Variants in SLC17A1 observed in about 807,000 individuals in gnomAD.
The protein encoded by SLC17A1 is sodium-dependent phosphate transport protein 1.
In SLC17A1, 51 loss-of-function variants were observed where a neutral mutation model predicts 53.5. The observed-to-expected ratio is 0.95, with a 90% confidence interval of 0.76 to 1.20. The LOEUF is 1.20. Ranked by LOEUF, SLC17A1 falls within the 50% of genes most tolerant of loss-of-function variation. The pLI, the probability that SLC17A1 is intolerant of heterozygous loss-of-function variation, is 0.00. For missense variants in SLC17A1, 538 were observed against 568.2 expected (o/e 0.95, Z 0.54); for synonymous variants, 179 against 198.8 (o/e 0.90, Z 0.84).
the SLC17A1 span, among the ~76,000 whole-genome samples, chr6:25,752,672 G>T: frequency 6.6e-6 from 1 of 152,012 alleles, no homozygotes; most frequent in Non-Finnish European, 1.5e-5. Flanking sequence ...TTTTCTTTAG[G>T]CCGGGTGCGG....
At chr6:25,810,561 CT>C (rs1488385772) in intron 10 of SLC17A1, among the ~76,000 whole-genome samples, 4 of 152,024 alleles carry the variant, frequency 2.6e-5, no homozygotes, top group African/African-American at 9.7e-5. Flanking sequence ...AGATATCCCC[CT>C]ACACCTGTTA....
At position 25,817,882 on chromosome 6, in the gene SLC17A1, C is replaced by A. The variant is rs763302384; in HGVS notation, c.616+1186G>T. On this transcript the variant is annotated intron_variant, in intron 6 of 12. Transcript: ENST00000244527. ...TTTCAGCCCCTTTCCTGATAAGGGG[C>A]TTACGTTCCATCACTATGCTGACCA... Among the ~76,000 whole-genome samples, 38 of 152,318 alleles carry A rather than the reference C, an allele frequency of 2.5e-4. 1 individual carries two copies. In the Middle Eastern group the frequency reaches 0.017, roughly 68 times the overall value.
chr6:25,750,378 G>T, the SLC17A1 span, among the ~76,000 whole-genome samples: 2 of 152,114 alleles, frequency 1.3e-5, no homozygotes, highest in Non-Finnish European at 2.9e-5. Flanking sequence ...ATCTGAAAAA[G>T]TAATTAGCTG....
chr6:25,787,091 TG>T (rs1763399305), intron 12 of SLC17A1, among the ~76,000 whole-genome samples: 1 of 151,056 alleles, frequency 6.6e-6, no homozygotes, highest in African/African-American at 2.4e-5. Context: ...TGGGGTATAG[TG>T]GGGGTGGGAT....
the SLC17A1 span, among the ~76,000 whole-genome samples, chr6:25,756,925 AT>A: frequency 6.6e-6 from 1 of 152,126 alleles, no homozygotes; most frequent in Non-Finnish European, 1.5e-5. Flanking sequence ...GACTGATATG[AT>A]TTTTTCAATT....
At chr6:25,779,110 G>C (rs774393197), downstream of SLC17A1, 1 of 1,613,674 alleles carries the variant, frequency 6.2e-7, no homozygotes, top group Non-Finnish European at 8.5e-7. Context: ...TTAACATATC[G>C]GGCCTGGTTT....
the SLC17A1 span, among the ~76,000 whole-genome samples, chr6:25,751,423 A>C: frequency 6.6e-6 from 1 of 152,150 alleles, no homozygotes; most frequent in East Asian, 1.9e-4. Context: ...GTATTTCTCT[A>C]TTTTGGTTCT....
chr6:25,724,308 A>T, the SLC17A1 span, among the ~76,000 whole-genome samples: 1 of 152,226 alleles, frequency 6.6e-6, no homozygotes, highest in Non-Finnish European at 1.5e-5. Flanking sequence ...CCGTAATCCC[A>T]GCTACTCAGG....
At chr6:25,726,074 GAA>G in the SLC17A1 span, 3 of 1,453,396 alleles carry the variant, frequency 2.1e-6, no homozygotes, top group Non-Finnish European at 2.8e-6. Context: ...AGGTGGCTCT[GAA>G]AAGAGCCTTT....
At chr6:25,781,927 CGAA>C (rs1481126624), downstream of SLC17A1, among the ~76,000 whole-genome samples, 1 of 151,996 alleles carries the variant, frequency 6.6e-6, no homozygotes, top group Non-Finnish European at 1.5e-5. Flanking sequence ...CATATGGGCT[CGAA>C]GAAGGAGTTG....
At position 25,811,713 on chromosome 6, in the gene SLC17A1, C is replaced by T. The variant is rs1465252231; in HGVS notation, c.955G>A (p.Gly319Ser). The T allele has an allele frequency of 3.1e-6, 5 of 1,613,726 alleles. No individual in the cohort carries two copies. Among genetic ancestry groups the T allele is most frequent in the African/African-American group, 1.3e-5 (1 of 74,906 alleles). ...GTCAGGAAGAAGTCTGATAACTGAC[C>T]TGCTAGGTTACCACAGATCCAGGCA... Reference protein sequence around the residue: ...LFAWICGNLAGQLSDFFLTRN... With the variant: ...LFAWICGNLASQLSDFFLTRN... The change falls in exon 9 of 13, where the codon GGT becomes AGT. Residue 319 changes from glycine (G) to serine (S), a missense_variant. Coordinates refer to ENST00000244527, the MANE Select transcript of SLC17A1 (RefSeq NM_005074.5).
At chr6:25,750,785 T>G in the SLC17A1 span, among the ~76,000 whole-genome samples, 36 of 150,696 alleles carry the variant, frequency 2.4e-4, no homozygotes, top group African/African-American at 8.0e-4. Context: ...CTTGTGTGTG[T>G]GGGGGGAGGG....
the SLC17A1 span, chr6:25,726,824 T>C: frequency 1.4e-6 from 2 of 1,467,428 alleles, no homozygotes; most frequent in Non-Finnish European, 1.8e-6. Context: ...TGGAGCTGTT[T>C]AATACTGAAG....
chr6:25,825,128 T>G (rs1764696468), intron 3 of SLC17A1, among the ~76,000 whole-genome samples: 2 of 151,998 alleles, frequency 1.3e-5, no homozygotes, highest in Non-Finnish European at 2.9e-5. Flanking sequence ...CAGGATTTCT[T>G]GTAGATAGAA....
the SLC17A1 span, among the ~76,000 whole-genome samples, chr6:25,755,985 A>C: frequency 6.6e-6 from 1 of 152,160 alleles, no homozygotes; most frequent in East Asian, 1.9e-4. Flanking sequence ...CAGGTCCTGA[A>C]TGTGGTCTTT....
At chr6:25,808,454 A>G (rs1469219984) in intron 10 of SLC17A1, among the ~76,000 whole-genome samples, 3 of 152,010 alleles carry the variant, frequency 2.0e-5, no homozygotes, top group Non-Finnish European at 4.4e-5. Context: ...CTGTCAATTC[A>G]TCCATGTAAT....
chr6:25,753,503 C>A, the SLC17A1 span, among the ~76,000 whole-genome samples: 1 of 151,794 alleles, frequency 6.6e-6, no homozygotes, highest in African/African-American at 2.4e-5. Context: ...ACAGTGGGGC[C>A]CGGTAAATAA....
chr6:25,801,214 A>T (rs1561828984), intron 10 of SLC17A1, among the ~76,000 whole-genome samples: 1 of 152,228 alleles, frequency 6.6e-6, no homozygotes, highest in South Asian at 2.1e-4. Flanking sequence ...ATAAAATGGG[A>T]TTATATTTAG....
chr6:25,770,874 G>A, the SLC17A1 span: 29 of 1,392,902 alleles, frequency 2.1e-5, no homozygotes, highest in Non-Finnish European at 2.0e-6. Flanking sequence ...AAAGCACATA[G>A]AGCCCCAAGA....
Sources: allele counts gnomAD v4.1 joint callset (sites outside exome capture counted in the v4.1 genomes callset), GRCh38; gene constraint gnomAD v4.1.1; transcripts MANE v1.5; gene names NCBI Gene and HGNC (gene_info 2026-07-23, HGNC 2026-07-21).